Variants in PRKCI observed in about 807,000 individuals in gnomAD.
PRKCI encodes the protein protein kinase C iota, also known as protein kinase C iota type.
In PRKCI, 43 loss-of-function variants were observed where a neutral mutation model predicts 84.0. That is an observed-to-expected ratio of 0.51 (90% CI 0.40 to 0.66). PRKCI has a LOEUF of 0.66. Among genes scored for constraint, PRKCI ranks in the 30% least tolerant of loss-of-function variants. The pLI is 0.00. For missense variants in PRKCI, 459 were observed against 745.6 expected (o/e 0.62, Z 4.48); for synonymous variants, 216 against 234.4 (o/e 0.92, Z 0.72).
chr3:170,254,730 G>GTAGTATAAT (rs1733540102), intron 2 of PRKCI, among the ~76,000 whole-genome samples: 1 of 152,094 alleles, frequency 6.6e-6, no homozygotes, highest in South Asian at 2.1e-4. Flanking sequence ...ACTACAGTTT[G>GTAGTATAAT]TAGTATAATT....
intron 4 of PRKCI, among the ~76,000 whole-genome samples, chr3:170,263,902 C>T (rs1440923864): frequency 6.6e-6 from 1 of 152,184 alleles, no homozygotes. Flanking sequence ...GCTACTTTGC[C>T]AGATCAAATT....
At chr3:170,281,094 A>T in intron 9 of PRKCI, 72 bp from the exon 10 acceptor site, 1 of 1,287,932 alleles carries the variant, frequency 7.8e-7, no homozygotes, top group Non-Finnish European at 1.1e-6. Context: ...GTGACCATTG[A>T]ATTGCTCAGA....
chr3:170,236,602 C>T (rs545591998), intron 2 of PRKCI, among the ~76,000 whole-genome samples: 1 of 152,218 alleles, frequency 6.6e-6, no homozygotes, highest in Non-Finnish European at 1.5e-5. Context: ...TAGGCTTACG[C>T]CTGTAATCCC....
chr3:170,289,621 A>G (rs1412484072), intron 12 of PRKCI, among the ~76,000 whole-genome samples: 2 of 152,146 alleles, frequency 1.3e-5, no homozygotes, highest in Non-Finnish European at 1.5e-5. Context: ...TAAAAATACA[A>G]AAAGCCAGAG....
At chr3:170,240,545 T>A (rs879613087) in intron 2 of PRKCI, among the ~76,000 whole-genome samples, 1 of 152,204 alleles carries the variant, frequency 6.6e-6, no homozygotes, top group Non-Finnish European at 1.5e-5. Flanking sequence ...AATCTTTTCT[T>A]AATTTTAGGC....
chr3:170,290,376 T>A (rs1734518755), intron 12 of PRKCI, among the ~76,000 whole-genome samples: 1 of 152,104 alleles, frequency 6.6e-6, no homozygotes, highest in African/African-American at 2.4e-5. Flanking sequence ...TGAGATTTCC[T>A]TTATGACCTA....
intron 4 of PRKCI, 137 bp downstream of exon 4, chr3:170,263,566 C>T: frequency 1.6e-6 from 1 of 640,674 alleles, no homozygotes. Flanking sequence ...CTGTGGGAAG[C>T]TGAGGTGGGA....
intron 2 of PRKCI, among the ~76,000 whole-genome samples, chr3:170,255,799 T>C (rs1452399633): frequency 2.0e-5 from 3 of 152,242 alleles, no homozygotes; most frequent in Non-Finnish European, 4.4e-5. Context: ...GTCTGTCTTA[T>C]ATGGCTTTTA....
chr3:170,256,301 G>C (rs1334382655), intron 2 of PRKCI, among the ~76,000 whole-genome samples: 1 of 152,128 alleles, frequency 6.6e-6, no homozygotes, highest in East Asian at 1.9e-4. Flanking sequence ...ATTGGATCCT[G>C]GGCTTTTCTT....
At chr3:170,274,117 T>A (rs1734059286) in intron 7 of PRKCI, among the ~76,000 whole-genome samples, 1 of 152,156 alleles carries the variant, frequency 6.6e-6, no homozygotes, top group South Asian at 2.1e-4. Context: ...ATGTTGACTG[T>A]GTTCAGGTGA....
intron 12 of PRKCI, 105 bp from the exon 13 acceptor site, chr3:170,291,749 T>C (rs1734557983): frequency 1.3e-6 from 1 of 791,810 alleles, no homozygotes; most frequent in Non-Finnish European, 2.2e-6. Context: ...GTGAGCTTAA[T>C]GTATCACTGC....
chr3:170,261,706 A>G (rs959936429), intron 3 of PRKCI, among the ~76,000 whole-genome samples: 1 of 151,440 alleles, frequency 6.6e-6, no homozygotes, highest in Non-Finnish European at 1.5e-5. Flanking sequence ...CTGGTCTCGA[A>G]CTCCTGACCT....
At chr3:170,251,852 G>A (rs191790818) in intron 2 of PRKCI, among the ~76,000 whole-genome samples, 26 of 151,884 alleles carry the variant, frequency 1.7e-4, no homozygotes, top group African/African-American at 6.3e-4. Flanking sequence ...GGAGGTTGCA[G>A]TGAGCCGAGA....
At chr3:170,298,136 G>A (rs1331059461) in intron 16 of PRKCI, among the ~76,000 whole-genome samples, 1 of 152,090 alleles carries the variant, frequency 6.6e-6, no homozygotes, top group Non-Finnish European at 1.5e-5. Context: ...GCCTCCCAAA[G>A]TGCTGGGATT....
At chr3:170,259,493 A>C (rs148925481) in intron 2 of PRKCI, among the ~76,000 whole-genome samples, 130 of 152,068 alleles carry the variant, frequency 8.5e-4, no homozygotes, top group African/African-American at 2.9e-3. Flanking sequence ...AGAAAATTGA[A>C]TTGTCTAAAT....
rs1440258199 is a variant in PRKCI, at chr3:170,303,553, G to A, written c.*426G>A. On this transcript the variant is annotated 3_prime_UTR_variant, in exon 18 of 18. Coordinates refer to ENST00000295797, the MANE Select transcript of PRKCI (RefSeq NM_002740.6). ...TTGAAATAAAAGATTAATATAAAAT[G>A]CAACAACTTTTTATATTACCTATTA... 2 of 230,156 alleles carry A rather than the reference G, an allele frequency of 8.7e-6. No individual in the cohort carries two copies. Among genetic ancestry groups the A allele is most frequent in the African/African-American group, 2.2e-5 (1 of 45,290 alleles). 14.3% of individuals were successfully genotyped at this position (230,156 alleles called of 1,614,324 possible).
chr3:170,294,072 C>T (rs1734636770), intron 14 of PRKCI, among the ~76,000 whole-genome samples: 2 of 152,118 alleles, frequency 1.3e-5, no homozygotes, highest in African/African-American at 4.8e-5. Context: ...TACTCAAAAT[C>T]ATAACAGGGG....
intron 14 of PRKCI, among the ~76,000 whole-genome samples, chr3:170,294,222 G>C (rs1202935559): frequency 1.3e-5 from 2 of 152,086 alleles, no homozygotes; most frequent in Non-Finnish European, 2.9e-5. Context: ...AAGATGATGA[G>C]TGATCAAAAG....
intron 2 of PRKCI, among the ~76,000 whole-genome samples, chr3:170,235,626 C>T (rs527255557): frequency 1.3e-5 from 2 of 149,158 alleles, no homozygotes; most frequent in Non-Finnish European, 3.0e-5. Flanking sequence ...AGTGCAGTGG[C>T]CTAATCTTGG....
Sources: gnomAD v4.1 joint callset for allele counts (sites outside exome capture counted in the v4.1 genomes callset) on GRCh38, gnomAD v4.1.1 for gene constraint, MANE v1.5 for transcripts, NCBI Gene and HGNC (gene_info 2026-07-23, HGNC 2026-07-21) for gene names.